Variants in NBEA observed in about 807,000 individuals in gnomAD.
NBEA encodes neurobeachin.
Under a neutral mutation model 343.4 loss-of-function variants are expected in NBEA, and 44 were observed. The observed-to-expected ratio is 0.13, with a 90% CI of 0.10 to 0.16. The LOEUF is 0.16. NBEA is among the 10% of genes least tolerant of loss of function. The probability of loss-of-function intolerance (pLI) is 1.00; values close to 1 mark genes in which losing one functional copy is unlikely to be tolerated. For synonymous variants in NBEA, 1,175 were observed against 1,238.7 expected, an observed-to-expected ratio of 0.95 and a Z score of 1.08; for missense variants, 2,555 against 3,631.3, an observed-to-expected ratio of 0.70 and a Z score of 7.62.
At chr13:35,455,176 T>G (rs2152948295) in intron 40 of NBEA, among the ~76,000 whole-genome samples, 1 of 152,166 alleles carries the variant, frequency 6.6e-6, no homozygotes, top group Non-Finnish European at 1.5e-5. Flanking sequence ...CTAAACCTGC[T>G]GATTAGCATA....
intron 45 of NBEA, among the ~76,000 whole-genome samples, chr13:35,573,887 A>C (rs1406995696): frequency 6.6e-6 from 1 of 152,198 alleles, no homozygotes; most frequent in Non-Finnish European, 1.5e-5. Context: ...GGCCAAATTC[A>C]GTCTCCTTTA....
chr13:35,627,983 C>G (rs2083298910), intron 48 of NBEA, 98 bp from the exon 49 acceptor site: 1 of 879,496 alleles, frequency 1.1e-6, no homozygotes, highest in South Asian at 2.3e-5. Flanking sequence ...AGAGCATATT[C>G]TCCTTTTTAT....
At chr13:34,978,641 G>A (rs2060259317) in intron 1 of NBEA, among the ~76,000 whole-genome samples, 1 of 152,114 alleles carries the variant, frequency 6.6e-6, no homozygotes, top group Non-Finnish European at 1.5e-5. Context: ...CCCAGAGATG[G>A]TCAGAGGTTT....
chr13:34,957,499 G>A (rs1418818219), intron 1 of NBEA, among the ~76,000 whole-genome samples: 1 of 152,126 alleles, frequency 6.6e-6, no homozygotes, highest in Non-Finnish European at 1.5e-5. Context: ...ATATTCAGCA[G>A]TGATTTTATC....
intron 10 of NBEA, among the ~76,000 whole-genome samples, chr13:35,086,249 C>CA (rs2152617514): frequency 6.6e-6 from 1 of 152,062 alleles, no homozygotes; most frequent in Non-Finnish European, 1.5e-5. Flanking sequence ...CATATGGAAC[C>CA]AAAAAAGAGC....
chr13:35,567,618 G>C (rs1181986220), intron 45 of NBEA, among the ~76,000 whole-genome samples: 1 of 152,194 alleles, frequency 6.6e-6, no homozygotes, highest in Non-Finnish European at 1.5e-5. Context: ...AGCCCAAAAA[G>C]CTGCTCTATA....
chr13:35,385,597 G>C (rs889331517), intron 38 of NBEA, among the ~76,000 whole-genome samples: 14 of 152,078 alleles, frequency 9.2e-5, no homozygotes, highest in African/African-American at 3.4e-4. Context: ...CAGCTACTTG[G>C]GAGGCTGATG....
intron 39 of NBEA, among the ~76,000 whole-genome samples, chr13:35,445,812 A>ATATATATG (rs1555267192): frequency 3.0e-5 from 3 of 100,186 alleles, no homozygotes; most frequent in Non-Finnish European, 6.3e-5. Context: ...ATATATATAT[A>ATATATATG]TATATGTATA....
In NBEA at chr13:35,054,874, C is replaced by T. The variant is rs182686984; in HGVS notation, c.973-1136C>T. Reference sequence around the variant, plus strand: ...GGCCAGCCTGGTCTCGAACTTCTGACGTCAGTTGATCTGCCCACCTTGGCC... The same window carrying T: ...GGCCAGCCTGGTCTCGAACTTCTGATGTCAGTTGATCTGCCCACCTTGGCC... On this transcript the variant is annotated intron_variant, in intron 6 of 58. Transcript: ENST00000379939. Among the ~76,000 whole-genome samples the T allele has an allele frequency of 2.5e-3, 379 of 151,984 alleles. 1 individual carries two copies. Among genetic ancestry groups the T allele is most frequent in the African/African-American group, 8.8e-3 (366 of 41,480 alleles).
At chr13:35,427,359 C>A (rs1366278121) in intron 38 of NBEA, among the ~76,000 whole-genome samples, 2 of 152,172 alleles carry the variant, frequency 1.3e-5, no homozygotes, top group Non-Finnish European at 2.9e-5. Flanking sequence ...ACAGACAGGA[C>A]CCTCAGCTGC....
chr13:35,366,519 G>GT (rs768360574), intron 38 of NBEA, among the ~76,000 whole-genome samples: 254 of 149,870 alleles, frequency 1.7e-3, no homozygotes, highest in African/African-American at 5.2e-3. Context: ...TGAAGTTAGG[G>GT]TTTTTTTTGC....
intron 48 of NBEA, among the ~76,000 whole-genome samples, chr13:35,615,353 A>T (rs1467917391): frequency 2.0e-5 from 3 of 150,152 alleles, no homozygotes; most frequent in South Asian, 4.2e-4. Flanking sequence ...GTAAAAATAT[A>T]TTTTTTTTGA....
At chr13:35,076,668 A>G (rs573758408) in intron 10 of NBEA, among the ~76,000 whole-genome samples, 1 of 152,038 alleles carries the variant, frequency 6.6e-6, no homozygotes, top group East Asian at 1.9e-4. Flanking sequence ...CTTTTTGGCA[A>G]TAAGATTAAC....
chr13:35,630,090 ATACAT>A (rs2083388339), intron 49 of NBEA, among the ~76,000 whole-genome samples: 1 of 152,186 alleles, frequency 6.6e-6, no homozygotes, highest in Admixed American at 6.5e-5. Context: ...ACAAAATAAA[ATACAT>A]TAAGCATCTT....
At chr13:35,338,522 A>C (rs959385440) in intron 36 of NBEA, among the ~76,000 whole-genome samples, 2 of 152,076 alleles carry the variant, frequency 1.3e-5, no homozygotes, top group Admixed American at 1.3e-4. Context: ...TGGTAATGCT[A>C]TCAAACATTT....
rs150535952 is a variant in NBEA at position 34,995,966 on chromosome 13, G to A, written c.295-44967G>A. The stretch of plus-strand genomic sequence containing the variant: ...ATTCTGCTGGGCTTGACCAGAATTA[G>A]CTCAGAGCCTGAGCATTTGTTAACT... On this transcript the variant is annotated intron_variant, in intron 1 of 58. Transcript: ENST00000379939. 8.8e-4 allele frequency among the ~76,000 whole-genome samples: 134 copies of A among 152,334 alleles called. 1 individual carries two copies. The highest frequency in any genetic ancestry group is 3.4e-3 in the Middle Eastern group (1 of 294).
At chr13:34,980,167 AGGATT>A (rs1454170944) in intron 1 of NBEA, among the ~76,000 whole-genome samples, 1 of 151,902 alleles carries the variant, frequency 6.6e-6, no homozygotes, top group Non-Finnish European at 1.5e-5. Flanking sequence ...GTTTTGCCCT[AGGATT>A]GCCTTAGAGT....
chr13:35,551,596 C>T (rs2079328829), intron 43 of NBEA, among the ~76,000 whole-genome samples: 1 of 152,102 alleles, frequency 6.6e-6, no homozygotes, highest in South Asian at 2.1e-4. Context: ...ACTTATATTG[C>T]TGATATCAGT....
rs1399958333 is a variant in NBEA at position 35,208,805 on chromosome 13, T to C, written c.5472T>C (p.Asn1824=). ...GGCTGCCAACAGGCAGTACCTCTAA[T>C]ATATTTGCTGCTACTGGAGCTACAC... is the stretch of plus-strand genomic sequence containing the variant. The part of the protein sequence containing the change: ...GSGLPTGSTS[N]IFAATGATPK... The change falls in exon 32 of 59, where the codon AAT becomes AAC. Residue 1824 remains asparagine, a synonymous_variant. Transcript: ENST00000379939. 1.9e-6 allele frequency: 3 copies of C among 1,609,704 alleles called. No homozygotes were observed. The highest frequency in any genetic ancestry group is 2.5e-6 in the Non-Finnish European group (3 of 1,177,440).
Sources: allele counts gnomAD v4.1 joint callset (sites outside exome capture counted in the v4.1 genomes callset), GRCh38; gene constraint gnomAD v4.1.1; transcripts MANE v1.5; gene names NCBI Gene and HGNC (gene_info 2026-07-23, HGNC 2026-07-21).